TNKS: variants seen among roughly 807,000 people sequenced by gnomAD.
TNKS encodes the protein tankyrase.
In TNKS, 72 loss-of-function variants were observed where a neutral mutation model predicts 135.8. That is an observed-to-expected ratio of 0.53 (90% confidence interval 0.44 to 0.64). The LOEUF (loss-of-function observed/expected upper bound fraction) is 0.64, where lower values mean the gene tolerates loss of function less well. Among genes scored for constraint, TNKS ranks in the 30% least tolerant of loss-of-function variants. The probability of loss-of-function intolerance (pLI) is 0.00; values close to 1 mark genes in which losing one functional copy is unlikely to be tolerated. For missense variants in TNKS, 1,769 were observed against 1,674.0 expected (o/e 1.06, Z -0.99); for synonymous variants, 849 against 649.3 (o/e 1.31, Z -4.68).
chr8:9,709,911 A>T (rs1313194011), intron 9 of TNKS, 44 bp from the exon 10 acceptor site: 2 of 1,452,348 alleles, frequency 1.4e-6, no homozygotes, highest in East Asian at 2.3e-5. Context: ...GCTACTGTAC[A>T]TATGGAAGTG....
intron 3 of TNKS, among the ~76,000 whole-genome samples, chr8:9,649,158 A>T (rs1370016183): frequency 6.6e-6 from 1 of 152,220 alleles, no homozygotes; most frequent in Admixed American, 6.5e-5. Flanking sequence ...GTTAGATTTT[A>T]AAAACATGTT....
At chr8:9,764,843 A>G in intron 23 of TNKS, 53 bp downstream of exon 23, 1 of 1,441,614 alleles carries the variant, frequency 6.9e-7, no homozygotes, top group Non-Finnish European at 9.4e-7. Context: ...TTGCCTAAAA[A>G]CCAAATCTAG....
chr8:9,655,460 A>AGG (rs1801319095), intron 3 of TNKS, among the ~76,000 whole-genome samples: 1 of 151,982 alleles, frequency 6.6e-6, no homozygotes, highest in Non-Finnish European at 1.5e-5. Context: ...TGGGTCCCTG[A>AGG]CCCCCGAGTA....
chr8:9,581,995 T>A (rs1290024739), intron 2 of TNKS, among the ~76,000 whole-genome samples: 3 of 152,196 alleles, frequency 2.0e-5, no homozygotes, highest in Admixed American at 6.5e-5. Flanking sequence ...TCATTCTGTT[T>A]AAGTTCTTGT....
chr8:9,774,110 C>T (rs1196563464), intron 26 of TNKS, among the ~76,000 whole-genome samples: 2 of 152,118 alleles, frequency 1.3e-5, no homozygotes, highest in African/African-American at 4.8e-5. Context: ...AAAAATGGCT[C>T]TGATTATTAC....
At chr8:9,706,289 T>A in intron 7 of TNKS, 36 bp downstream of exon 7, 1 of 733,786 alleles carries the variant, frequency 1.4e-6, no homozygotes, top group Non-Finnish European at 1.7e-6. Context: ...ATCATTTACT[T>A]TTTTTTTTTT....
At chr8:9,723,463 A>G (rs1805007300) in intron 12 of TNKS, among the ~76,000 whole-genome samples, 1 of 152,188 alleles carries the variant, frequency 6.6e-6, no homozygotes, top group South Asian at 2.1e-4. Flanking sequence ...TCAACTCTCA[A>G]GTCTGTAGTT....
At chr8:9,561,867 C>T (rs1238815043) in intron 1 of TNKS, among the ~76,000 whole-genome samples, 2 of 152,076 alleles carry the variant, frequency 1.3e-5, no homozygotes, top group Non-Finnish European at 2.9e-5. Context: ...CCCAGGCTGT[C>T]GTATAATGGT....
intron 3 of TNKS, among the ~76,000 whole-genome samples, chr8:9,627,869 ATTAC>A (rs1800123973): frequency 6.6e-6 from 1 of 152,166 alleles, no homozygotes; most frequent in African/African-American, 2.4e-5. Flanking sequence ...CTCTCAGCTT[ATTAC>A]TTTTTTCATA....
intron 5 of TNKS, among the ~76,000 whole-genome samples, chr8:9,695,345 TACTG>T (rs1251783704): frequency 2.0e-5 from 3 of 152,230 alleles, no homozygotes; most frequent in Admixed American, 6.5e-5. Flanking sequence ...CATATTTTGT[TACTG>T]ACTTAATTTT....
intron 4 of TNKS, 126 bp downstream of exon 4, chr8:9,680,113 C>G (rs1368861474): frequency 3.0e-6 from 2 of 665,100 alleles, no homozygotes; most frequent in South Asian, 1.9e-5. Context: ...TATGCAGATA[C>G]TAAATCTTTA....
intron 3 of TNKS, among the ~76,000 whole-genome samples, chr8:9,649,253 TC>T (rs765304589): frequency 1.3e-5 from 2 of 152,198 alleles, no homozygotes; most frequent in Non-Finnish European, 2.9e-5. Context: ...TTGACAGCAG[TC>T]AGTCAACCAA....
chr8:9,578,650 C>G (rs1418873026), intron 1 of TNKS, among the ~76,000 whole-genome samples: 1 of 152,118 alleles, frequency 6.6e-6, no homozygotes, highest in Non-Finnish European at 1.5e-5. Flanking sequence ...CTTTTTTCCC[C>G]TTACTCTTTT....
At chr8:9,705,389 A>G (rs780929760) in intron 6 of TNKS, among the ~76,000 whole-genome samples, 2 of 152,194 alleles carry the variant, frequency 1.3e-5, no homozygotes, top group Non-Finnish European at 2.9e-5. Flanking sequence ...TAAGATCTGA[A>G]AGATAATTAA....
intron 14 of TNKS, among the ~76,000 whole-genome samples, chr8:9,731,657 C>CATT (rs1198885954): frequency 1.3e-5 from 2 of 151,448 alleles, no homozygotes; most frequent in Non-Finnish European, 2.9e-5. Context: ...GTGGTGCCTT[C>CATT]CTATATGGTC....
rs1436829681 is a variant in TNKS at position 9,752,734 on chromosome 8, T to G, written c.3153+108T>G. ...ACACTTTGGAATGCTTCGGCAGGATTGCTTGAGCCCAGGAGTTTGAGACCA... is the reference window on the plus strand; with the variant it reads ...ACACTTTGGAATGCTTCGGCAGGATGGCTTGAGCCCAGGAGTTTGAGACCA... On this transcript the variant is annotated intron_variant, in intron 20 of 26. Transcript: ENST00000310430. 15 of 694,370 alleles carry G rather than the reference T, an allele frequency of 2.2e-5. No homozygotes were observed. The East Asian group carries it at 4.0e-4, about 18-fold the overall frequency. The allele number at this position is 694,370 out of a possible 1,614,324, so 43.0% of individuals were successfully genotyped here. A position where few individuals can be genotyped will look rare whatever the true frequency, so the allele number is the denominator to read the frequency against.
At position 9,680,751 on chromosome 8, in the gene TNKS, C is replaced by A; in HGVS notation, c.1058C>A (p.Ala353Asp). 1 of 1,612,248 alleles carries A rather than the reference C, an allele frequency of 6.2e-7. No individual in the cohort carries two copies. The highest frequency in any genetic ancestry group is 1.7e-5 in the Admixed American group (1 of 59,922). ...AGTGGTAATGAAGAAAAACTAATGG[C>A]TTTACTGACTCCTCTAAATGTGAAT... ...ARSGNEEKLM[A>D]LLTPLNVNCH... is the part of the protein sequence containing the mutation. Residue 353 changes from alanine to aspartate, a missense_variant, in exon 5 of 27, where the codon GCT (alanine) becomes GAT (aspartate). Transcript: ENST00000310430.
Position 9,706,910 on chromosome 8 carries a change from C to G in TNKS, c.1369C>G (p.His457Asp), listed in dbSNP as rs1372685280. 6.2e-7 allele frequency: 1 copy of G among 1,613,948 alleles called. No individual in the cohort carries two copies. Among genetic ancestry groups the G allele is most frequent in the African/African-American group, 1.3e-5 (1 of 74,918 alleles). Reference sequence around the variant, plus strand: ...AGAAGTCTGCTCTTTGTTACTTAGCCATGGCGCTGATCCTACATTAGTCAA... The same window carrying G: ...AGAAGTCTGCTCTTTGTTACTTAGCGATGGCGCTGATCCTACATTAGTCAA... ...RVEVCSLLLS[H>D]GADPTLVNCH... Residue 457 changes from histidine (H) to aspartate (D), a missense_variant, in exon 8 of 27, where the codon CAT becomes GAT. By Grantham distance (81) the His-to-Asp change is moderately conservative. This residue lies in a region of TNKS where 523 missense variants were observed against 541.0 expected (regional missense o/e 0.97). Transcript: ENST00000310430.
At chr8:9,614,949 A>C (rs1038143534) in intron 2 of TNKS, among the ~76,000 whole-genome samples, 2 of 152,168 alleles carry the variant, frequency 1.3e-5, no homozygotes, top group African/African-American at 4.8e-5. Context: ...CTTAGGATAT[A>C]TTATAGTGAT....
Sources: allele counts gnomAD v4.1 joint callset (sites outside exome capture counted in the v4.1 genomes callset), GRCh38; gene constraint gnomAD v4.1.1; regional missense constraint gnomAD v4.1.1; transcripts MANE v1.5; gene names NCBI Gene and HGNC (gene_info 2026-07-23, HGNC 2026-07-21).